Variants in ZSWIM5 observed in about 807,000 individuals in gnomAD.
ZSWIM5 encodes the protein zinc finger SWIM-type containing 5, also known as zinc finger SWIM domain-containing protein 5.
In ZSWIM5, 55 loss-of-function variants were observed where a neutral mutation model predicts 119.6. The ratio of observed to expected loss-of-function variants is 0.46; its 90% confidence interval spans 0.37 to 0.58. The LOEUF is 0.58. Among genes scored for constraint, ZSWIM5 ranks in the 20% least tolerant of loss-of-function variants. The probability of loss-of-function intolerance (pLI) is 0.00; values close to 1 mark genes in which losing one functional copy is unlikely to be tolerated. For synonymous variants in ZSWIM5, 537 were observed against 606.9 expected (o/e 0.88, Z 1.69); for missense variants, 1,193 against 1,512.8 (o/e 0.79, Z 3.51).
At chr1:45,145,418 C>T (rs960910435) in intron 1 of ZSWIM5, among the ~76,000 whole-genome samples, 1 of 150,278 alleles carries the variant, frequency 6.7e-6, no homozygotes, top group African/African-American at 2.4e-5. Flanking sequence ...AGAAACAACC[C>T]AAATATCCTT....
chr1:45,117,396 C>T lies in ZSWIM5; in HGVS notation c.596-29159G>A, dbSNP rs571831254. On this transcript the variant is annotated intron_variant, in intron 1 of 13. Transcript: ENST00000359600. ...TCACTTCATAAAATAACAGGGAGGCCGGTCACAGTGGCTCACACCTATAAT... is the reference window on the plus strand; with the variant it reads ...TCACTTCATAAAATAACAGGGAGGCTGGTCACAGTGGCTCACACCTATAAT... Among the ~76,000 whole-genome samples, 13 of 152,280 alleles carry T rather than the reference C, an allele frequency of 8.5e-5. No homozygotes were observed. In the South Asian group the frequency reaches 1.9e-3, roughly 22 times the overall value.
chr1:45,166,442 C>G (rs1280387452), intron 1 of ZSWIM5, among the ~76,000 whole-genome samples: 1 of 152,042 alleles, frequency 6.6e-6, no homozygotes, highest in East Asian at 1.9e-4. Context: ...CACTCCTATT[C>G]AACATAGTGT....
intron 1 of ZSWIM5, among the ~76,000 whole-genome samples, chr1:45,180,557 T>C (rs1034797261): frequency 5.9e-5 from 9 of 152,166 alleles, no homozygotes; most frequent in African/African-American, 2.2e-4. Context: ...AATGTCCCTG[T>C]CTGACAGCTT....
chr1:45,084,680 G>C (rs982572370), intron 2 of ZSWIM5, among the ~76,000 whole-genome samples: 1 of 152,200 alleles, frequency 6.6e-6, no homozygotes, highest in African/African-American at 2.4e-5. Context: ...AACCCAGCAG[G>C]GCAGTCACTA....
At chr1:45,027,192 T>C (rs978574200) in intron 11 of ZSWIM5, among the ~76,000 whole-genome samples, 50 of 152,008 alleles carry the variant, frequency 3.3e-4, no homozygotes, top group African/African-American at 1.2e-3. Flanking sequence ...TTTTGCCTAC[T>C]GTTTCTACTT....
At chr1:45,077,128 CAT>C in intron 2 of ZSWIM5, among the ~76,000 whole-genome samples, 1 of 152,032 alleles carries the variant, frequency 6.6e-6, no homozygotes, top group African/African-American at 2.4e-5. Context: ...TTGATGAGGT[CAT>C]GTTTTCCTGA....
intron 1 of ZSWIM5, among the ~76,000 whole-genome samples, chr1:45,120,517 G>A (rs1161253213): frequency 6.6e-6 from 1 of 151,964 alleles, no homozygotes; most frequent in South Asian, 2.1e-4. Flanking sequence ...GCTGGAGAGT[G>A]CAATGGTGTG....
intron 2 of ZSWIM5, among the ~76,000 whole-genome samples, chr1:45,080,530 A>G (rs763393965): frequency 2.6e-5 from 4 of 152,182 alleles, no homozygotes; most frequent in Non-Finnish European, 5.9e-5. Flanking sequence ...CTGGTGATTC[A>G]AGACTGTTTT....
intron 5 of ZSWIM5, among the ~76,000 whole-genome samples, 185 bp from the exon 6 acceptor site, chr1:45,043,580 C>T (rs560903618): frequency 6.6e-6 from 1 of 152,332 alleles, no homozygotes; most frequent in Admixed American, 6.5e-5. Context: ...CTCTGAGTAT[C>T]TGTTGTGTTG....
At chr1:45,061,342 G>A (rs1268486303) in intron 2 of ZSWIM5, among the ~76,000 whole-genome samples, 1 of 151,516 alleles carries the variant, frequency 6.6e-6, no homozygotes, top group Non-Finnish European at 1.5e-5. Context: ...GTATATATGG[G>A]GTACAATGTA....
At chr1:45,113,644 T>C (rs908071760) in intron 1 of ZSWIM5, among the ~76,000 whole-genome samples, 1 of 152,194 alleles carries the variant, frequency 6.6e-6, no homozygotes, top group Non-Finnish European at 1.5e-5. Flanking sequence ...GTCATGATTA[T>C]CTACAGAAGA....
intron 5 of ZSWIM5, among the ~76,000 whole-genome samples, chr1:45,049,180 A>C (rs1645074759): frequency 6.6e-6 from 1 of 152,186 alleles, no homozygotes; most frequent in Non-Finnish European, 1.5e-5. Context: ...GATAGAAAGT[A>C]GTATTACTAA....
At chr1:45,175,785 C>T (rs1645976824) in intron 1 of ZSWIM5, among the ~76,000 whole-genome samples, 1 of 151,660 alleles carries the variant, frequency 6.6e-6, no homozygotes, top group Admixed American at 6.6e-5. Flanking sequence ...ACAATGAACT[C>T]ATGGGTTTCT....
chr1:45,154,887 A>C (rs1015211951), intron 1 of ZSWIM5, among the ~76,000 whole-genome samples: 1 of 152,158 alleles, frequency 6.6e-6, no homozygotes, highest in African/African-American at 2.4e-5. Context: ...CAGCTAAAAA[A>C]ATACAAAAAA....
chr1:45,131,580 C>T (rs6665943), intron 1 of ZSWIM5, among the ~76,000 whole-genome samples: 3,138 of 152,102 alleles, frequency 0.021, 116 homozygotes, highest in African/African-American at 0.072. Context: ...AAAAAATTAG[C>T]TGGGCACGGT....
At chr1:45,129,475 T>C (rs1219881374) in intron 1 of ZSWIM5, among the ~76,000 whole-genome samples, 1 of 152,124 alleles carries the variant, frequency 6.6e-6, no homozygotes, top group Non-Finnish European at 1.5e-5. Context: ...CATTTTTTTT[T>C]AAGAGTTATG....
At chr1:45,121,452 G>A (rs1458878605) in intron 1 of ZSWIM5, among the ~76,000 whole-genome samples, 1 of 152,102 alleles carries the variant, frequency 6.6e-6, no homozygotes, top group Non-Finnish European at 1.5e-5. Flanking sequence ...ATGACCACAA[G>A]TCTAGTCCAA....
chr1:45,063,453 T>G (rs564457388), intron 2 of ZSWIM5, among the ~76,000 whole-genome samples: 2 of 152,298 alleles, frequency 1.3e-5, no homozygotes, highest in South Asian at 4.2e-4. Context: ...TCTTACTAAA[T>G]TACGTCCAAA....
At chr1:45,053,127 C>CAAAAAAAAA (rs60199581) in intron 4 of ZSWIM5, among the ~76,000 whole-genome samples, 3 of 122,166 alleles carry the variant, frequency 2.5e-5, no homozygotes, top group Non-Finnish European at 3.4e-5. Flanking sequence ...CCGTCTCAAA[C>CAAAAAAAAA]AAAAAAAAAA....
Sources: gnomAD v4.1 joint callset for allele counts (sites outside exome capture counted in the v4.1 genomes callset) on GRCh38, gnomAD v4.1.1 for gene constraint, MANE v1.5 for transcripts, NCBI Gene and HGNC (gene_info 2026-07-23, HGNC 2026-07-21) for gene names.